Variants in MCTP1 observed in about 807,000 individuals in gnomAD.
MCTP1 encodes the protein multiple C2 and transmembrane domain containing 1, also known as multiple C2 and transmembrane domain-containing protein 1.
In MCTP1, 69 loss-of-function variants were observed where a neutral mutation model predicts 120.6. The ratio of observed to expected loss-of-function variants is 0.57; its 90% CI spans 0.47 to 0.70. The LOEUF is 0.70. MCTP1 is among the 30% of genes least tolerant of loss of function. The pLI is 0.00. For synonymous variants in MCTP1, 529 were observed against 493.1 expected (o/e 1.07, Z -0.96); for missense variants, 1,203 against 1,248.8 (o/e 0.96, Z 0.55).
intron 1 of MCTP1, among the ~76,000 whole-genome samples, chr5:95,126,831 A>G (rs1758669130): frequency 6.6e-6 from 1 of 152,324 alleles, no homozygotes; most frequent in East Asian, 1.9e-4. Context: ...AATGTGCCCA[A>G]CTCATTTAAT....
intron 1 of MCTP1, among the ~76,000 whole-genome samples, chr5:95,239,957 T>C (rs561265949): frequency 5.5e-4 from 84 of 152,268 alleles, no homozygotes; most frequent in Non-Finnish European, 1.1e-3. Flanking sequence ...CTCATGAAAT[T>C]TTGAGTCATA....
At chr5:95,065,260 C>T (rs1318592993) in intron 1 of MCTP1, among the ~76,000 whole-genome samples, 1 of 151,554 alleles carries the variant, frequency 6.6e-6, no homozygotes, top group Admixed American at 6.6e-5. Flanking sequence ...ATCATTAATT[C>T]TTTAAGGCCA....
In MCTP1 at chr5:94,833,784, AGAAGAAAAATT is replaced by A. The variant is rs1314241236; in HGVS notation, c.2436+34538_2436+34548del. 7.9e-5 allele frequency among the ~76,000 whole-genome samples: 12 copies of A among 152,340 alleles called. No homozygotes were observed. In the East Asian group the frequency reaches 2.3e-3, roughly 29 times the overall value. The stretch of plus-strand genomic sequence containing the variant: ...TAAAAAAGTTCCCTAGATTATCTGC[AGAAGAAAAATT>A]GGGGTGGGTGATGACAACTATGATC... On this transcript the variant is annotated intron_variant, in intron 17 of 22. Coordinates refer to ENST00000515393, the MANE Select transcript of MCTP1 (RefSeq NM_024717.7).
At chr5:94,773,979 CG>C in intron 19 of MCTP1, among the ~76,000 whole-genome samples, 1 of 39,314 alleles carries the variant, frequency 2.5e-5, no homozygotes. Flanking sequence ...GAGGCCGAGG[CG>C]GGCGGATCAC....
At chr5:95,082,710 G>T (rs1046317580) in intron 1 of MCTP1, among the ~76,000 whole-genome samples, 2 of 151,928 alleles carry the variant, frequency 1.3e-5, no homozygotes, top group African/African-American at 4.8e-5. Flanking sequence ...TATCATTTTG[G>T]TACTAGTGTT....
At chr5:94,949,172 T>C (rs535786386) in intron 3 of MCTP1, among the ~76,000 whole-genome samples, 11 of 152,310 alleles carry the variant, frequency 7.2e-5, no homozygotes, top group South Asian at 2.1e-4. Flanking sequence ...TATATTCCCC[T>C]TTATGTTACT....
At chr5:94,851,349 A>C (rs1264718410) in intron 17 of MCTP1, among the ~76,000 whole-genome samples, 1 of 152,096 alleles carries the variant, frequency 6.6e-6, no homozygotes. Flanking sequence ...TCCCACTATC[A>C]CTGCACATGC....
At chr5:95,177,889 A>G (rs1582452637) in intron 1 of MCTP1, among the ~76,000 whole-genome samples, 1 of 152,230 alleles carries the variant, frequency 6.6e-6, no homozygotes, top group South Asian at 2.1e-4. Context: ...GAGGTAAAAT[A>G]GGAAAAATTT....
intron 2 of MCTP1, among the ~76,000 whole-genome samples, chr5:94,990,501 T>C (rs988653900): frequency 2.0e-5 from 3 of 152,160 alleles, no homozygotes; most frequent in Admixed American, 1.3e-4. Context: ...CCTGGATGTT[T>C]GCCTCTTCAA....
In MCTP1 at chr5:95,284,211, C is replaced by A; in HGVS notation, c.365G>T (p.Arg122Leu). Residue 122 changes from arginine to leucine, a missense_variant, in exon 1 of 23, where the codon CGC (arginine) becomes CTC (leucine). Coordinates refer to ENST00000515393, the MANE Select transcript of MCTP1 (RefSeq NM_024717.7). The surrounding 1 kb of genome is among the most constrained non-coding windows in gnomAD (Gnocchi z 5.2). ...AGRAEQGSTL[R>L]RRIREHLLPA... ...GAGCAAATGCTCGCGGATCCGGCGG[C>A]GTAGCGTGGACCCCTGCTCGGCTCT... 1 of 1,571,734 alleles carries A rather than the reference C, an allele frequency of 6.4e-7. No homozygotes were observed. Among genetic ancestry groups the A allele is most frequent in the South Asian group, 1.2e-5 (1 of 86,394 alleles).
intron 1 of MCTP1, among the ~76,000 whole-genome samples, chr5:95,270,593 G>A (rs1759295100): frequency 4.6e-5 from 7 of 151,916 alleles, no homozygotes; most frequent in Admixed American, 4.6e-4. Context: ...AGGCTGGGGA[G>A]GAACTCATCA....
chr5:95,257,927 T>C (rs1169266498), intron 1 of MCTP1, among the ~76,000 whole-genome samples: 3 of 152,056 alleles, frequency 2.0e-5, no homozygotes, highest in Admixed American at 1.3e-4. Context: ...TACAGTAATA[T>C]TGGGTTATAA....
At chr5:94,757,010 G>A (rs765044327) in intron 19 of MCTP1, among the ~76,000 whole-genome samples, 7 of 152,034 alleles carry the variant, frequency 4.6e-5, no homozygotes, top group Non-Finnish European at 1.0e-4. Flanking sequence ...TATAGAACTC[G>A]CTTCTAATTT....
chr5:94,916,142 T>C (rs1226658467), intron 8 of MCTP1, among the ~76,000 whole-genome samples: 1 of 152,238 alleles, frequency 6.6e-6, no homozygotes, highest in Non-Finnish European at 1.5e-5. Context: ...GTAGATTTTA[T>C]TGAGCAACTG....
At chr5:94,949,964 G>C (rs1040839119) in intron 3 of MCTP1, among the ~76,000 whole-genome samples, 1 of 151,598 alleles carries the variant, frequency 6.6e-6, no homozygotes, top group Non-Finnish European at 1.5e-5. Context: ...TTCCACCAAG[G>C]TACCTTATTT....
intron 1 of MCTP1, among the ~76,000 whole-genome samples, chr5:95,128,194 C>T (rs747653994): frequency 2.6e-5 from 4 of 152,180 alleles, no homozygotes; most frequent in South Asian, 2.1e-4. Flanking sequence ...GCAAGGTACA[C>T]GACCATGATC....
intron 1 of MCTP1, among the ~76,000 whole-genome samples, chr5:95,213,396 C>G (rs1231987024): frequency 6.6e-6 from 1 of 152,220 alleles, no homozygotes; most frequent in African/African-American, 2.4e-5. Flanking sequence ...ATTCCATGCT[C>G]ATGGGTAGGA....
chr5:94,800,505 CAG>C (rs1780998966), intron 17 of MCTP1, among the ~76,000 whole-genome samples: 1 of 152,110 alleles, frequency 6.6e-6, no homozygotes, highest in East Asian at 1.9e-4. Context: ...ATTTAAATGG[CAG>C]AGAAAATTAA....
chr5:94,889,004 G>A (rs1178439199), intron 11 of MCTP1, 32 bp from the exon 12 acceptor site: 1 of 1,468,476 alleles, frequency 6.8e-7, no homozygotes, highest in East Asian at 2.3e-5. Context: ...ATTAGAAAAG[G>A]GAGGTCCCAA....
Sources: allele counts gnomAD v4.1 joint callset (sites outside exome capture counted in the v4.1 genomes callset), GRCh38; gene constraint gnomAD v4.1.1; non-coding constraint Gnocchi (gnomAD v3.1); transcripts MANE v1.5; gene names NCBI Gene and HGNC (gene_info 2026-07-23, HGNC 2026-07-21).